Variants in PRKN observed in about 807,000 individuals in gnomAD.
PRKN encodes E3 ubiquitin-protein ligase parkin.
PRKN carries 56 observed loss-of-function variants against 59.5 expected under a neutral mutation model. The ratio of observed to expected loss-of-function variants is 0.94; its 90% confidence interval spans 0.76 to 1.18. PRKN has a LOEUF of 1.18. PRKN is among the 50% of genes most tolerant of loss of function. The pLI is 0.00. For synonymous variants in PRKN, 250 were observed against 222.1 expected (o/e 1.13, Z -1.12); for missense variants, 657 against 596.4 (o/e 1.10, Z -1.06).
At chr6:162,718,125 C>T (rs1271036487) in intron 1 of PRKN, among the ~76,000 whole-genome samples, 2 of 152,090 alleles carry the variant, frequency 1.3e-5, no homozygotes, top group Non-Finnish European at 2.9e-5. Context: ...AAAGATCTTT[C>T]CCAATTATTA....
chr6:161,512,204 A>T (rs1280458459), intron 9 of PRKN, among the ~76,000 whole-genome samples: 1 of 152,192 alleles, frequency 6.6e-6, no homozygotes, highest in Non-Finnish European at 1.5e-5. Flanking sequence ...TTAGTAAAAA[A>T]TGCTCTAAAG....
intron 2 of PRKN, among the ~76,000 whole-genome samples, chr6:162,335,716 C>T (rs1226619672): frequency 6.6e-6 from 1 of 151,986 alleles, no homozygotes; most frequent in Non-Finnish European, 1.5e-5. Context: ...TTTTATCGCT[C>T]ACCAGTGATT....
At chr6:161,886,444 C>T (rs939130249) in intron 6 of PRKN, among the ~76,000 whole-genome samples, 1 of 152,124 alleles carries the variant, frequency 6.6e-6, no homozygotes, top group Non-Finnish European at 1.5e-5. Context: ...CGCCTGTAAT[C>T]CCAGCACTAT....
chr6:162,478,591 A>G (rs149004019), intron 1 of PRKN, among the ~76,000 whole-genome samples: 1 of 152,288 alleles, frequency 6.6e-6, no homozygotes, highest in African/African-American at 2.4e-5. Context: ...AAACCAAGAG[A>G]TAAGTACAGT....
intron 4 of PRKN, among the ~76,000 whole-genome samples, chr6:162,170,940 A>C (rs189859852): frequency 6.6e-6 from 1 of 152,376 alleles, no homozygotes; most frequent in African/African-American, 2.4e-5. Context: ...AGTAAGAATT[A>C]CATATGAAAA....
At chr6:161,718,700 C>G (rs990585554) in intron 7 of PRKN, among the ~76,000 whole-genome samples, 41 of 152,064 alleles carry the variant, frequency 2.7e-4, no homozygotes, top group Admixed American at 2.0e-4. Context: ...CTCTGATGGC[C>G]TGATACCTGT....
chr6:162,503,434 G>A (rs1046980078), intron 1 of PRKN, among the ~76,000 whole-genome samples: 2 of 152,026 alleles, frequency 1.3e-5, no homozygotes, highest in Admixed American at 6.6e-5. Flanking sequence ...AGAGTGCCGG[G>A]ATTACAGGCA....
intron 1 of PRKN, among the ~76,000 whole-genome samples, chr6:162,631,054 T>C (rs1783091923): frequency 6.6e-6 from 1 of 152,100 alleles, no homozygotes; most frequent in Admixed American, 6.6e-5. Flanking sequence ...AAAGCTTCAC[T>C]CAAATACAAC....
chr6:162,469,495 T>A (rs1791615865), intron 1 of PRKN, among the ~76,000 whole-genome samples: 2 of 144,390 alleles, frequency 1.4e-5, no homozygotes, highest in Non-Finnish European at 3.0e-5. Flanking sequence ...CTGTGGTATG[T>A]GTGTGTGTGT....
intron 7 of PRKN, among the ~76,000 whole-genome samples, chr6:161,689,579 CCT>C (rs1785698767): frequency 6.6e-6 from 1 of 152,100 alleles, no homozygotes; most frequent in South Asian, 2.1e-4. Flanking sequence ...GCCAGCATGC[CCT>C]GAGTGTCCCT....
At chr6:162,415,771 T>C (rs12213306) in intron 2 of PRKN, among the ~76,000 whole-genome samples, 82,903 of 151,350 alleles carry the variant, frequency 0.55, 23,601 homozygotes, top group African/African-American at 0.7. Flanking sequence ...GAGCCCAAAT[T>C]GCGCCACTGC....
intron 7 of PRKN, among the ~76,000 whole-genome samples, chr6:161,660,932 T>C (rs1784521247): frequency 6.6e-6 from 1 of 152,190 alleles, no homozygotes; most frequent in African/African-American, 2.4e-5. Context: ...CAGTCTTCCG[T>C]GACTCAGGCC....
intron 4 of PRKN, among the ~76,000 whole-genome samples, chr6:162,092,112 T>C (rs938232192): frequency 2.6e-5 from 4 of 152,262 alleles, no homozygotes; most frequent in Admixed American, 2.6e-4. Flanking sequence ...TCCAGCACTT[T>C]GGGAGGCAGA....
intron 4 of PRKN, among the ~76,000 whole-genome samples, chr6:162,187,909 C>T (rs2128325462): frequency 6.6e-6 from 1 of 152,114 alleles, no homozygotes; most frequent in African/African-American, 2.4e-5. Context: ...TGGCTGTGTC[C>T]CCACCCAAAT....
At chr6:162,214,682 C>T (rs1324415564) in intron 3 of PRKN, among the ~76,000 whole-genome samples, 1 of 152,054 alleles carries the variant, frequency 6.6e-6, no homozygotes, top group Non-Finnish European at 1.5e-5. Flanking sequence ...AGATAACACC[C>T]AAAATGTGTG....
chr6:161,748,661 T>G (rs952661232), intron 7 of PRKN, among the ~76,000 whole-genome samples: 1 of 152,174 alleles, frequency 6.6e-6, no homozygotes, highest in African/African-American at 2.4e-5. Flanking sequence ...AGGCATTCAT[T>G]AAGAGTCAGT....
chr6:162,058,859 G>A lies in PRKN; in HGVS notation c.535-4685C>T, dbSNP rs1020459706. On this transcript the variant is annotated intron_variant, in intron 4 of 11. Coordinates refer to ENST00000366898, the MANE Select transcript of PRKN (RefSeq NM_004562.3). The stretch of plus-strand genomic sequence containing the variant: ...CTCAGCTACTTGGGAGGCTGAGGGA[G>A]GAGAATCGCTTGAGCCAGGGAGGCA... Among the ~76,000 whole-genome samples, 6 of 151,646 alleles carry A rather than the reference G, an allele frequency of 4.0e-5. No homozygotes were observed. In the East Asian group the frequency reaches 1.2e-3, roughly 30 times the overall value.
intron 4 of PRKN, among the ~76,000 whole-genome samples, chr6:162,102,066 A>G (rs928046557): frequency 3.3e-5 from 5 of 152,118 alleles, no homozygotes; most frequent in Non-Finnish European, 2.9e-5. Flanking sequence ...GGGTCCATGT[A>G]CAGGACGTGC....
intron 1 of PRKN, among the ~76,000 whole-genome samples, chr6:162,679,225 G>A (rs561906911): frequency 1.3e-5 from 2 of 151,610 alleles, no homozygotes; most frequent in East Asian, 1.9e-4. Flanking sequence ...TCAGCCTCCC[G>A]AGCAGCTGGG....
Sources: gnomAD v4.1 joint callset for allele counts (sites outside exome capture counted in the v4.1 genomes callset) on GRCh38, gnomAD v4.1.1 for gene constraint, MANE v1.5 for transcripts, NCBI Gene and HGNC (gene_info 2026-07-23, HGNC 2026-07-21) for gene names.